The following RBPJ variants were observed in gnomAD, a reference collection of about 807,000 sequenced individuals.
RBPJ encodes recombining binding protein suppressor of hairless.
A neutral mutation model predicts 67.8 loss-of-function variants in RBPJ; 9 were observed. That is an observed-to-expected ratio of 0.13 (90% CI 0.08 to 0.23). The LOEUF (loss-of-function observed/expected upper bound fraction) is 0.23. RBPJ is among the 10% of genes least tolerant of loss of function. The pLI is 1.00. For synonymous variants in RBPJ, 198 were observed against 203.3 expected (o/e 0.97, Z 0.22); for missense variants, 305 against 595.6 (o/e 0.51, Z 5.08).
chr4:26,268,790 C>T (rs1720788653), intron 1 of RBPJ, among the ~76,000 whole-genome samples: 1 of 152,042 alleles, frequency 6.6e-6, no homozygotes, highest in Non-Finnish European at 1.5e-5. Context: ...GGTGAATATT[C>T]ATCCCCCAAG....
intron 1 of RBPJ, among the ~76,000 whole-genome samples, chr4:26,373,138 G>T (rs1358769559): frequency 6.6e-6 from 1 of 152,136 alleles, no homozygotes; most frequent in Non-Finnish European, 1.5e-5. Context: ...AGCAAAAAAG[G>T]CATTTCCTTT....
At chr4:26,257,496 G>A (rs1390689565) in intron 1 of RBPJ, among the ~76,000 whole-genome samples, 1 of 152,210 alleles carries the variant, frequency 6.6e-6, no homozygotes, top group Non-Finnish European at 1.5e-5. Context: ...GGGTGTGGTG[G>A]TGCATGCCTG....
At chr4:26,199,803 C>A (rs1717916654) in intron 1 of RBPJ, among the ~76,000 whole-genome samples, 1 of 152,158 alleles carries the variant, frequency 6.6e-6, no homozygotes, top group Non-Finnish European at 1.5e-5. Context: ...GCACTAAAAA[C>A]CACTGAATTG....
intron 1 of RBPJ, chr4:26,367,923 A>G (rs1285563945): frequency 1.3e-5 from 2 of 152,268 alleles, no homozygotes; most frequent in Admixed American, 6.5e-5. Context: ...ACAGCAGTGG[A>G]ATTTGTACAT....
chr4:26,154,395 T>A, the RBPJ span, among the ~76,000 whole-genome samples: 1 of 152,320 alleles, frequency 6.6e-6, no homozygotes, highest in Admixed American at 6.5e-5. Context: ...ATGTAATAGG[T>A]ACTCAATGAA....
chr4:26,177,928 G>A (rs998753482), intron 1 of RBPJ, among the ~76,000 whole-genome samples: 6 of 152,110 alleles, frequency 3.9e-5, no homozygotes, highest in African/African-American at 1.4e-4. Flanking sequence ...TCCACTTTTT[G>A]TTTTAACCTA....
intron 7 of RBPJ, among the ~76,000 whole-genome samples, chr4:26,427,956 GTAT>G (rs1038535319): frequency 5.3e-5 from 8 of 152,310 alleles, no homozygotes; most frequent in African/African-American, 1.9e-4. Flanking sequence ...GGGTTTGATA[GTAT>G]TATCTTTCAG....
chr4:26,177,706 A>T (rs1169972977), intron 1 of RBPJ, among the ~76,000 whole-genome samples: 1 of 152,224 alleles, frequency 6.6e-6, no homozygotes, highest in African/African-American at 2.4e-5. Context: ...AAAGTCAGCT[A>T]CCTTGTAATC....
At position 26,424,438 on chromosome 4, in the gene RBPJ, A is replaced by T. The variant is rs765049895; in HGVS notation, c.593A>T (p.His198Leu). ...RYLHVEGGNF[H>L]ASSQQWGAFF... ...TTGCATGTAGAAGGAGGTAATTTTC[A>T]TGCCAGTTCACAGCAGTGGGGAGCC... is the stretch of plus-strand genomic sequence containing the variant. The change falls in exon 6 of 11, where the codon CAT becomes CTT. Residue 198 changes from histidine (H) to leucine (L), a missense_variant. Coordinates refer to ENST00000355476, the MANE Select transcript of RBPJ (RefSeq NM_015874.6). This position sits in a 1 kb window ranked among gnomAD's most constrained non-coding sequence, Gnocchi z 5.3. The T allele has an allele frequency of 1.2e-6, 2 of 1,614,128 alleles. No homozygotes were observed. The highest frequency in any genetic ancestry group is 2.2e-5 in the South Asian group (2 of 91,080).
chr4:26,244,181 ATG>A (rs1341136372), intron 1 of RBPJ, among the ~76,000 whole-genome samples: 3 of 121,448 alleles, frequency 2.5e-5, no homozygotes, highest in East Asian at 2.4e-4. Context: ...ATACACATAT[ATG>A]TATACATATA....
chr4:26,159,923 C>CTCTT (rs1553843606), upstream of RBPJ, among the ~76,000 whole-genome samples: 2 of 141,294 alleles, frequency 1.4e-5, no homozygotes, highest in African/African-American at 2.5e-5. Flanking sequence ...CTCTCTCTCT[C>CTCTT]TTTTTTTTTT....
At chr4:26,289,382 C>T in intron 1 of RBPJ, among the ~76,000 whole-genome samples, 1 of 50,272 alleles carries the variant, frequency 2.0e-5, no homozygotes, top group Non-Finnish European at 3.2e-5. Flanking sequence ...GAGACTTGGT[C>T]TCAAAAAAAA....
Position 26,433,701 on chromosome 4 carries a change from G to A in RBPJ, c.*2694G>A, listed in dbSNP as rs1355513872. The A allele has an allele frequency of 1.3e-5, 2 of 151,982 alleles. No homozygotes were observed. Among genetic ancestry groups the A allele is most frequent in the Non-Finnish European group, 2.9e-5 (2 of 67,988 alleles). 9.4% of individuals were successfully genotyped at this position (151,982 alleles called of 1,614,324 possible). On this transcript the variant is annotated 3_prime_UTR_variant, in exon 11 of 11. Coordinates refer to ENST00000355476, the MANE Select transcript of RBPJ (RefSeq NM_015874.6). ...CACAGACTAAAGAGTGAAATGATTT[G>A]TCCATTGTAGCTTATTGTTTATCAG...
intron 1 of RBPJ, chr4:26,367,866 C>T (rs1299182328): frequency 6.6e-6 from 1 of 152,148 alleles, no homozygotes; most frequent in Non-Finnish European, 1.5e-5. Context: ...TAGTTTCTTT[C>T]TCCTTAGAAA....
At chr4:26,226,873 T>G (rs1417070522) in intron 1 of RBPJ, among the ~76,000 whole-genome samples, 2 of 152,180 alleles carry the variant, frequency 1.3e-5, no homozygotes, top group African/African-American at 4.8e-5. Context: ...AGGCTGAACA[T>G]CACTGAAATT....
intron 1 of RBPJ, among the ~76,000 whole-genome samples, chr4:26,349,093 C>CGCGCGTGT: frequency 1.3e-5 from 2 of 150,856 alleles, no homozygotes; most frequent in Middle Eastern, 6.9e-3. Context: ...TGTGTGCGCG[C>CGCGCGTGT]GCGCACGCAC....
chr4:26,225,635 T>C (rs1345022837), intron 1 of RBPJ, among the ~76,000 whole-genome samples: 1 of 152,094 alleles, frequency 6.6e-6, no homozygotes, highest in East Asian at 1.9e-4. Flanking sequence ...TATGGGCTCA[T>C]CACTTGTAAC....
At chr4:26,143,625 C>A in the RBPJ span, among the ~76,000 whole-genome samples, 1 of 152,160 alleles carries the variant, frequency 6.6e-6, no homozygotes, top group Non-Finnish European at 1.5e-5. Flanking sequence ...CAATAAATAA[C>A]CATTAAGCTT....
the RBPJ span, among the ~76,000 whole-genome samples, chr4:26,111,652 G>A: frequency 6.6e-6 from 1 of 152,202 alleles, no homozygotes; most frequent in Non-Finnish European, 1.5e-5. Context: ...CTGGCCTCTG[G>A]TCGCACATGA....
Sources: gnomAD v4.1 joint callset for allele counts (sites outside exome capture counted in the v4.1 genomes callset) on GRCh38, gnomAD v4.1.1 for gene constraint, Gnocchi (gnomAD v3.1) non-coding constraint, MANE v1.5 for transcripts, NCBI Gene and HGNC (gene_info 2026-07-23, HGNC 2026-07-21) for gene names.